Variants in PCDH9 observed in about 807,000 individuals in gnomAD.
The protein encoded by PCDH9 is protocadherin 9, also known as protocadherin-9.
In PCDH9, 24 loss-of-function variants were observed where a neutral mutation model predicts 70.6. The ratio of observed to expected loss-of-function variants is 0.34; its 90% CI spans 0.25 to 0.48. PCDH9 has a LOEUF of 0.48. PCDH9 is among the 20% of genes least tolerant of loss of function. The pLI, the probability that PCDH9 is intolerant of heterozygous loss-of-function variation, is 0.99. For missense variants in PCDH9, 1,281 were observed against 1,503.6 expected, an observed-to-expected ratio of 0.85 and a Z score of 2.45; for synonymous variants, 562 against 558.5, an observed-to-expected ratio of 1.01 and a Z score of -0.09.
At chr13:66,782,790 A>T (rs906393630) in intron 3 of PCDH9, 1 of 152,114 alleles carries the variant, frequency 6.6e-6, no homozygotes, top group Non-Finnish European at 1.5e-5. Flanking sequence ...CAAGTAAGGG[A>T]GTGTGCCCTG....
intron 3 of PCDH9, among the ~76,000 whole-genome samples, chr13:66,752,102 C>A (rs1277588293): frequency 6.6e-6 from 1 of 152,088 alleles, no homozygotes; most frequent in African/African-American, 2.4e-5. Flanking sequence ...GAAAGGGCAT[C>A]GGTGGCTAAG....
At chr13:66,407,297 T>C (rs1344263686) in intron 4 of PCDH9, among the ~76,000 whole-genome samples, 2 of 152,260 alleles carry the variant, frequency 1.3e-5, no homozygotes, top group African/African-American at 4.8e-5. Context: ...GAATGCTCCC[T>C]GACAGAATCT....
intron 2 of PCDH9, among the ~76,000 whole-genome samples, chr13:67,133,027 A>G (rs1594556127): frequency 6.6e-6 from 1 of 152,242 alleles, no homozygotes; most frequent in Non-Finnish European, 1.5e-5. Context: ...GATAAACTCA[A>G]AAAGATTGGG....
chr13:66,486,890 T>C (rs1260708823), intron 4 of PCDH9, among the ~76,000 whole-genome samples: 8 of 152,166 alleles, frequency 5.3e-5, no homozygotes, highest in Non-Finnish European at 1.0e-4. Context: ...ACTGGAATTG[T>C]AGTGGTAGTG....
intron 4 of PCDH9, among the ~76,000 whole-genome samples, chr13:66,404,623 T>C (rs1268713729): frequency 6.6e-6 from 1 of 152,168 alleles, no homozygotes; most frequent in Non-Finnish European, 1.5e-5. Flanking sequence ...AATGCAATTA[T>C]GATTCAAGGT....
At chr13:66,312,874 C>T (rs967189183) in intron 4 of PCDH9, among the ~76,000 whole-genome samples, 3 of 152,160 alleles carry the variant, frequency 2.0e-5, no homozygotes, top group African/African-American at 7.2e-5. Context: ...AGATTTCTTC[C>T]TTGGTCACAG....
intron 3 of PCDH9, among the ~76,000 whole-genome samples, chr13:66,719,844 G>C (rs1393519720): frequency 1.3e-5 from 2 of 152,128 alleles, no homozygotes; most frequent in East Asian, 3.9e-4. Flanking sequence ...CATTTTATAA[G>C]TATCCATAGT....
Position 67,154,603 on chromosome 13 carries a change from T to TACAC in PCDH9, c.3036+70801_3036+70802insGTGT, listed in dbSNP as rs1186181243. Among the ~76,000 whole-genome samples the TACAC allele has an allele frequency of 7.3e-4, 62 of 84,796 alleles. 1 individual carries two copies. The highest frequency in any genetic ancestry group is 2.9e-3 in the African/African-American group (59 of 20,368). The allele number at this position is 84,796 out of a possible 152,430, so 55.6% of individuals were successfully genotyped here. On this transcript the variant is annotated intron_variant, in intron 2 of 4. Coordinates refer to ENST00000377865, the MANE Select transcript of PCDH9 (RefSeq NM_203487.3). ...AAAAAAAAAAAAAAAAAAATATATA[T>TACAC]ATACACACACACACACACACACACA...
At chr13:66,872,706 T>C (rs530449360) in intron 3 of PCDH9, among the ~76,000 whole-genome samples, 1 of 152,122 alleles carries the variant, frequency 6.6e-6, no homozygotes, top group East Asian at 1.9e-4. Flanking sequence ...AACACAGGTA[T>C]CCCATAGGTC....
chr13:66,538,912 T>C (rs1232270596), intron 4 of PCDH9, among the ~76,000 whole-genome samples: 2 of 152,094 alleles, frequency 1.3e-5, no homozygotes, highest in African/African-American at 2.4e-5. Flanking sequence ...AGAAGCGTAA[T>C]ATTAAATATA....
chr13:67,004,696 C>A (rs912880718), intron 2 of PCDH9, among the ~76,000 whole-genome samples: 2 of 151,938 alleles, frequency 1.3e-5, no homozygotes, highest in Admixed American at 6.6e-5. Flanking sequence ...AGGTTGGAAT[C>A]CAGCTTTTTT....
chr13:66,550,449 C>T (rs1183977550), intron 4 of PCDH9, among the ~76,000 whole-genome samples: 1 of 151,962 alleles, frequency 6.6e-6, no homozygotes, highest in African/African-American at 2.4e-5. Flanking sequence ...ATGTGGACAC[C>T]CTGATATATT....
intron 4 of PCDH9, among the ~76,000 whole-genome samples, chr13:66,513,157 G>A (rs551382200): frequency 2.0e-5 from 3 of 148,666 alleles, no homozygotes; most frequent in East Asian, 4.0e-4. Context: ...TATGTAAACA[G>A]ACTAATCTAT....
chr13:66,489,403 T>C (rs535189692), intron 4 of PCDH9, among the ~76,000 whole-genome samples: 1 of 152,106 alleles, frequency 6.6e-6, no homozygotes, highest in Non-Finnish European at 1.5e-5. Context: ...CTTGACCTCC[T>C]GGACTCAAGC....
At position 67,139,467 on chromosome 13, in the gene PCDH9, CT is replaced by C. The variant is rs1207418929; in HGVS notation, c.3036+85937del. On this transcript the variant is annotated intron_variant, in intron 2 of 4. Transcript: ENST00000377865. ...AATACAAAATTATCCGACTTCATCT[CT>C]TTTTCTCTCAATTCTCTGTGACTAA... is the stretch of plus-strand genomic sequence containing the variant. Among the ~76,000 whole-genome samples, 7 of 152,288 alleles carry C rather than the reference CT, an allele frequency of 4.6e-5. No individual in the cohort carries two copies. The East Asian group carries it at 1.4e-3, about 29-fold the overall frequency.
intron 4 of PCDH9, among the ~76,000 whole-genome samples, chr13:66,461,591 G>T (rs1432631702): frequency 6.7e-6 from 1 of 149,524 alleles, no homozygotes; most frequent in Non-Finnish European, 1.5e-5. Flanking sequence ...TTGTGATTTT[G>T]CATTGCTTGC....
intron 2 of PCDH9, among the ~76,000 whole-genome samples, chr13:66,946,973 G>T (rs2083098418): frequency 6.6e-6 from 1 of 152,030 alleles, no homozygotes; most frequent in Non-Finnish European, 1.5e-5. Context: ...AAAACACAGA[G>T]AAACTTACTT....
At chr13:66,452,969 T>G (rs529486337) in intron 4 of PCDH9, among the ~76,000 whole-genome samples, 1 of 152,126 alleles carries the variant, frequency 6.6e-6, no homozygotes, top group Admixed American at 6.6e-5. Context: ...CATCCATCCA[T>G]TCAGCCAGCC....
intron 2 of PCDH9, among the ~76,000 whole-genome samples, chr13:66,958,405 A>C (rs1283921661): frequency 1.3e-5 from 2 of 152,204 alleles, no homozygotes; most frequent in Non-Finnish European, 2.9e-5. Context: ...ATTGATATAG[A>C]ATAATTCATT....
Sources: allele counts gnomAD v4.1 joint callset (sites outside exome capture counted in the v4.1 genomes callset), GRCh38; gene constraint gnomAD v4.1.1; transcripts MANE v1.5; gene names NCBI Gene and HGNC (gene_info 2026-07-23, HGNC 2026-07-21).